The following SCP2 variants were observed in gnomAD, a reference collection of about 807,000 sequenced individuals.
The protein encoded by SCP2 is sterol carrier protein 2.
SCP2 carries 48 observed loss-of-function variants against 71.4 expected under a neutral mutation model. That is an observed-to-expected ratio of 0.67 (90% confidence interval 0.53 to 0.86). The LOEUF (loss-of-function observed/expected upper bound fraction) is 0.86, where lower values mean the gene tolerates loss of function less well. Among genes scored for constraint, SCP2 ranks in the 40% least tolerant of loss-of-function variants. SCP2 has a pLI of 0.00. For missense variants in SCP2, 560 were observed against 655.6 expected, an observed-to-expected ratio of 0.85 and a Z score of 1.59; for synonymous variants, 220 against 218.1, an observed-to-expected ratio of 1.01 and a Z score of -0.08.
At chr1:53,035,008 G>A (rs1662820565) in intron 13 of SCP2, among the ~76,000 whole-genome samples, 1 of 152,042 alleles carries the variant, frequency 6.6e-6, no homozygotes, top group African/African-American at 2.4e-5. Context: ...GGGAGGCTGA[G>A]GCAGGAGAAT....
At chr1:53,022,988 A>G (rs1413382995) in intron 12 of SCP2, among the ~76,000 whole-genome samples, 1 of 152,202 alleles carries the variant, frequency 6.6e-6, no homozygotes, top group African/African-American at 2.4e-5. Context: ...AAATAAAACC[A>G]ATTGGAATTT....
At chr1:52,943,226 CTT>C (rs1217932879) in intron 2 of SCP2, among the ~76,000 whole-genome samples, 20 of 141,304 alleles carry the variant, frequency 1.4e-4, no homozygotes, top group Non-Finnish European at 9.4e-5. Flanking sequence ...ATGGTGGGTT[CTT>C]TTTTTTTTTT....
intron 11 of SCP2, among the ~76,000 whole-genome samples, chr1:53,008,346 A>G (rs1660765551): frequency 6.6e-6 from 1 of 152,242 alleles, no homozygotes; most frequent in Admixed American, 6.5e-5. Flanking sequence ...TTTTAGACCA[A>G]TATCCCTGAT....
At chr1:52,998,776 G>A (rs1034886961) in intron 11 of SCP2, among the ~76,000 whole-genome samples, 1 of 152,274 alleles carries the variant, frequency 6.6e-6, no homozygotes, top group Admixed American at 6.5e-5. Context: ...CAACAGCAGA[G>A]TATGAGACTG....
At chr1:52,973,932 C>G (rs1454090892) in intron 6 of SCP2, among the ~76,000 whole-genome samples, 1 of 152,106 alleles carries the variant, frequency 6.6e-6, no homozygotes, top group Non-Finnish European at 1.5e-5. Context: ...TAGAAGATCA[C>G]AAGTGTGGAA....
rs576244725 is a variant in SCP2 at position 53,051,273 on chromosome 1, G to A, written c.*569G>A. The A allele has an allele frequency of 6.6e-6, 1 of 152,252 alleles. No individual in the cohort carries two copies. The highest frequency in any genetic ancestry group is 2.4e-5 in the African/African-American group (1 of 41,564). The allele number at this position is 152,252 out of a possible 1,614,324, so 9.4% of individuals were successfully genotyped here. On this transcript the variant is annotated 3_prime_UTR_variant, in exon 16 of 16. Transcript: ENST00000371514. ...TCAAAATAAAAGAAATATGATCAGA[G>A]CTTGAACACAGGCTTATTTTTAAAA...
chr1:52,942,110 G>C (rs996966318), intron 2 of SCP2, among the ~76,000 whole-genome samples: 1 of 152,200 alleles, frequency 6.6e-6, no homozygotes, highest in African/African-American at 2.4e-5. Flanking sequence ...GGATCTGTGG[G>C]AGAGAGAGGT....
chr1:52,966,911 C>T lies in SCP2; in HGVS notation c.523+5282C>T, dbSNP rs542158267. Reference sequence around the variant, plus strand: ...CCGTCTTAAAAAGAAATAGGAGCCACGCACGATGGCTCATGCCTGTAATCC... The same window carrying T: ...CCGTCTTAAAAAGAAATAGGAGCCATGCACGATGGCTCATGCCTGTAATCC... On this transcript the variant is annotated intron_variant, in intron 6 of 15. Coordinates refer to ENST00000371514, the MANE Select transcript of SCP2 (RefSeq NM_002979.5). 1.1e-4 allele frequency among the ~76,000 whole-genome samples: 17 copies of T among 147,922 alleles called. No homozygotes were observed. The South Asian group carries it at 2.6e-3, about 23-fold the overall frequency.
At chr1:53,034,555 A>G (rs1662786145) in intron 13 of SCP2, among the ~76,000 whole-genome samples, 1 of 152,174 alleles carries the variant, frequency 6.6e-6, no homozygotes, top group East Asian at 1.9e-4. Flanking sequence ...CCTTGAATAT[A>G]CTAAAACAAC....
At chr1:52,944,338 CTCTT>C (rs1202101098) in intron 2 of SCP2, among the ~76,000 whole-genome samples, 1 of 151,738 alleles carries the variant, frequency 6.6e-6, no homozygotes, top group East Asian at 1.9e-4. Context: ...TTTCTTTTTT[CTCTT>C]TCTAACTATT....
chr1:53,037,906 A>ACACACACC (rs1553155272), intron 13 of SCP2, among the ~76,000 whole-genome samples: 3 of 127,652 alleles, frequency 2.4e-5, no homozygotes, highest in African/African-American at 6.6e-5. Context: ...ACACACACAC[A>ACACACACC]CACACACACA....
chr1:53,049,014 A>G (rs1027423957), intron 15 of SCP2: 18 of 152,206 alleles, frequency 1.2e-4, no homozygotes, highest in African/African-American at 4.3e-4. Context: ...TGCTTTTTCT[A>G]CGTAACCAAG....
intron 7 of SCP2, among the ~76,000 whole-genome samples, chr1:52,975,243 T>C (rs973755683): frequency 6.6e-6 from 1 of 151,984 alleles, no homozygotes; most frequent in Non-Finnish European, 1.5e-5. Flanking sequence ...TGCAGTGGCA[T>C]GATCTCGGCT....
At position 52,942,386 on chromosome 1, in the gene SCP2, T is replaced by C. The variant is rs114303211; in HGVS notation, c.127+533T>C. Among the ~76,000 whole-genome samples the C allele has an allele frequency of 5.1e-3, 779 of 152,248 alleles. 8 individuals are homozygous for C. Among genetic ancestry groups the C allele is most frequent in the African/African-American group, 0.018 (759 of 41,544 alleles). On this transcript the variant is annotated intron_variant, in intron 2 of 15. Transcript: ENST00000371514. ...TTTTGAGCAAAAGACGGGTGAATATTGGTGTGAGTGGAACTAACAGGGAGA... is the reference window on the plus strand; with the variant it reads ...TTTTGAGCAAAAGACGGGTGAATATCGGTGTGAGTGGAACTAACAGGGAGA...
intron 13 of SCP2, among the ~76,000 whole-genome samples, chr1:53,034,398 T>C (rs914002165): frequency 2.0e-5 from 3 of 152,046 alleles, no homozygotes; most frequent in Admixed American, 1.3e-4. Flanking sequence ...ATGTCCAGAA[T>C]AAGCAAATCT....
At chr1:53,048,037 C>CA in intron 15 of SCP2, 100 bp downstream of exon 15, 1 of 825,904 alleles carries the variant, frequency 1.2e-6, no homozygotes, top group Admixed American at 1.8e-5. Context: ...TGGTCAGACT[C>CA]ACAAAACTCA....
chr1:52,950,724 T>C, intron 3 of SCP2, 31 bp from the exon 4 acceptor site: 1 of 1,597,086 alleles, frequency 6.3e-7, no homozygotes, highest in Non-Finnish European at 8.6e-7. Flanking sequence ...TCCATAATTC[T>C]CCATATTAAA....
intron 1 of SCP2, among the ~76,000 whole-genome samples, chr1:52,932,813 C>T (rs1209309718): frequency 5.3e-5 from 8 of 152,062 alleles, no homozygotes; most frequent in Non-Finnish European, 1.0e-4. Context: ...ATATGTGTAA[C>T]ATGGCTTAAA....
At chr1:53,015,069 GTC>G (rs764221272) in intron 12 of SCP2, 26 bp downstream of exon 12, 19 of 1,610,202 alleles carry the variant, frequency 1.2e-5, no homozygotes, top group African/African-American at 2.7e-5. Flanking sequence ...AGTTTTGTGT[GTC>G]AGTTAATCCT....
Sources: allele counts gnomAD v4.1 joint callset (sites outside exome capture counted in the v4.1 genomes callset), GRCh38; gene constraint gnomAD v4.1.1; transcripts MANE v1.5; gene names NCBI Gene and HGNC (gene_info 2026-07-23, HGNC 2026-07-21).